Variants in B3GALT1 observed in about 807,000 individuals in gnomAD.
B3GALT1 encodes UDP-Gal:betaGlcNAc beta 1,3-galactosyltransferase, polypeptide 1.
B3GALT1 carries 10 observed loss-of-function variants against 23.2 expected under a neutral mutation model. That is an observed-to-expected ratio of 0.43 (90% CI 0.27 to 0.73). The LOEUF (loss-of-function observed/expected upper bound fraction) is 0.73, where lower values mean the gene tolerates loss of function less well. B3GALT1 is among the 30% of genes least tolerant of loss of function. B3GALT1 has a pLI of 0.21. For synonymous variants in B3GALT1, 156 were observed against 141.5 expected, an observed-to-expected ratio of 1.10 and a Z score of -0.73; for missense variants, 299 against 405.4, an observed-to-expected ratio of 0.74 and a Z score of 2.25.
chr2:167,481,868 A>G (rs925446316), intron 1 of B3GALT1, among the ~76,000 whole-genome samples: 1 of 152,230 alleles, frequency 6.6e-6, no homozygotes, highest in African/African-American at 2.4e-5. Context: ...TTATTTCAGG[A>G]TGCACAATTT....
intron 3 of B3GALT1, among the ~76,000 whole-genome samples, chr2:167,663,679 T>A (rs1382388021): frequency 6.6e-6 from 1 of 151,174 alleles, no homozygotes; most frequent in African/African-American, 2.4e-5. Flanking sequence ...GGTATCTCAT[T>A]GTGGTTTTGA....
intron 1 of B3GALT1, among the ~76,000 whole-genome samples, chr2:167,413,448 A>G (rs2617379): frequency 0.94 from 143,124 of 152,032 alleles, 67,705 homozygotes; most frequent in Non-Finnish European, 0.99. Context: ...CTATATTTTC[A>G]GAAGAGGGTA....
At chr2:167,512,639 TATATATATA>T (rs1558887958) in intron 2 of B3GALT1, among the ~76,000 whole-genome samples, 5 of 130,986 alleles carry the variant, frequency 3.8e-5, no homozygotes, top group Admixed American at 8.2e-5. Flanking sequence ...TATATATACA[TATATATATA>T]TATTTTGAGA....
intron 1 of B3GALT1, among the ~76,000 whole-genome samples, chr2:167,347,735 A>G (rs1220081247): frequency 5.3e-5 from 8 of 152,134 alleles, no homozygotes; most frequent in African/African-American, 1.7e-4. Context: ...TTCTTGCTTC[A>G]GTAACCATGC....
chr2:167,544,692 T>C (rs1055799697), intron 2 of B3GALT1, among the ~76,000 whole-genome samples: 2 of 152,032 alleles, frequency 1.3e-5, no homozygotes, highest in Non-Finnish European at 2.9e-5. Flanking sequence ...AAAGAGAAAC[T>C]CCAGGTTCAA....
At chr2:167,408,807 A>AAAAAAAAAAAAAAAAAAAAAAAAAAC (rs1559087681) in intron 1 of B3GALT1, among the ~76,000 whole-genome samples, 1 of 138,076 alleles carries the variant, frequency 7.2e-6, no homozygotes, top group African/African-American at 2.7e-5. Context: ...ACAAAAAAAA[A>AAAAAAAAAAAAAAAAAAAAAAAAAAC]AAAAAACAAA....
At chr2:167,596,989 C>A (rs768194290) in intron 2 of B3GALT1, among the ~76,000 whole-genome samples, 6 of 152,052 alleles carry the variant, frequency 3.9e-5, no homozygotes, top group Non-Finnish European at 8.8e-5. Context: ...AAAGAACTTG[C>A]GACTTATCCA....
At chr2:167,654,181 G>A (rs1315421491) in intron 3 of B3GALT1, among the ~76,000 whole-genome samples, 1 of 152,168 alleles carries the variant, frequency 6.6e-6, no homozygotes, top group Non-Finnish European at 1.5e-5. Context: ...AATAATAAGA[G>A]CACTTAATGG....
At chr2:167,597,618 C>T (rs954361574) in intron 2 of B3GALT1, among the ~76,000 whole-genome samples, 2 of 152,184 alleles carry the variant, frequency 1.3e-5, no homozygotes, top group South Asian at 4.1e-4. Flanking sequence ...TTCCCCTGAA[C>T]TAGCTCCAGT....
chr2:167,531,486 A>C (rs561340989), intron 2 of B3GALT1, among the ~76,000 whole-genome samples: 30 of 152,312 alleles, frequency 2.0e-4, no homozygotes, highest in Non-Finnish European at 3.7e-4. Flanking sequence ...CAGCATTATT[A>C]AAGCCAGTCA....
At chr2:167,380,914 T>G (rs547876717) in intron 1 of B3GALT1, among the ~76,000 whole-genome samples, 1 of 152,186 alleles carries the variant, frequency 6.6e-6, no homozygotes, top group Non-Finnish European at 1.5e-5. Context: ...CTTTGACAAT[T>G]CTGGTGGATT....
intron 2 of B3GALT1, among the ~76,000 whole-genome samples, chr2:167,552,413 T>C (rs148024284): frequency 8.5e-5 from 13 of 152,322 alleles, no homozygotes; most frequent in South Asian, 4.1e-4. Flanking sequence ...CGCAAGTATT[T>C]ATTTAGAATA....
chr2:167,683,071 G>A (rs1177487599), intron 3 of B3GALT1, among the ~76,000 whole-genome samples: 1 of 152,156 alleles, frequency 6.6e-6, no homozygotes, highest in African/African-American at 2.4e-5. Flanking sequence ...TCATAAACAT[G>A]TAGATTTTTA....
chr2:167,616,205 A>G (rs997884404), intron 2 of B3GALT1, among the ~76,000 whole-genome samples: 12 of 152,218 alleles, frequency 7.9e-5, no homozygotes, highest in African/African-American at 2.9e-4. Context: ...AATGATTCAA[A>G]TGTTGAATAA....
At chr2:167,650,093 A>G (rs1244605855) in intron 3 of B3GALT1, among the ~76,000 whole-genome samples, 3 of 151,890 alleles carry the variant, frequency 2.0e-5, no homozygotes, top group African/African-American at 4.8e-5. Flanking sequence ...GTTCCCTTCT[A>G]TATCTACTCT....
chr2:167,633,406 T>G (rs1238739150), intron 2 of B3GALT1, among the ~76,000 whole-genome samples: 7 of 151,698 alleles, frequency 4.6e-5, no homozygotes, highest in Non-Finnish European at 1.0e-4. Context: ...GAATGTGCTG[T>G]ATTCAGGAGA....
At chr2:167,756,901 G>A (rs1317942731) in intron 3 of B3GALT1, among the ~76,000 whole-genome samples, 2 of 152,128 alleles carry the variant, frequency 1.3e-5, no homozygotes, top group Non-Finnish European at 2.9e-5. Context: ...TTTGTAAGAG[G>A]ATGAAATATC....
At chr2:167,380,232 G>A (rs957824219) in intron 1 of B3GALT1, among the ~76,000 whole-genome samples, 2 of 152,140 alleles carry the variant, frequency 1.3e-5, no homozygotes, top group African/African-American at 4.8e-5. Context: ...AGGCAAGCAG[G>A]TGCTCTGAAT....
Position 167,790,001 on chromosome 2 carries a change from G to T in B3GALT1, c.-351-28671G>T, listed in dbSNP as rs563106018. On this transcript the variant is annotated intron_variant, in intron 3 of 4. Transcript: ENST00000392690. Reference sequence around the variant, plus strand: ...ACAAGTGGTTCAAACTTCTCTGGGGGTTAGTAATAACTAAAGACAATTACA... The same window carrying T: ...ACAAGTGGTTCAAACTTCTCTGGGGTTTAGTAATAACTAAAGACAATTACA... Among the ~76,000 whole-genome samples the T allele has an allele frequency of 4.6e-5, 7 of 152,278 alleles. No homozygotes were observed. In the South Asian group the frequency reaches 1.5e-3, roughly 32 times the overall value.
Sources: gnomAD v4.1 joint callset for allele counts (sites outside exome capture counted in the v4.1 genomes callset) on GRCh38, gnomAD v4.1.1 for gene constraint, MANE v1.5 for transcripts, NCBI Gene and HGNC (gene_info 2026-07-23, HGNC 2026-07-21) for gene names.